PCDHGB2: variants seen among roughly 807,000 people sequenced by gnomAD.
PCDHGB2 encodes the protein protocadherin gamma-B2.
Under a neutral mutation model 59.3 loss-of-function variants are expected in PCDHGB2, and 55 were observed. The observed-to-expected ratio is 0.93, with a 90% CI of 0.75 to 1.16. The LOEUF (loss-of-function observed/expected upper bound fraction) is 1.16, where lower values mean the gene tolerates loss of function less well. Among genes scored for constraint, PCDHGB2 ranks in the 50% most tolerant of loss-of-function variants. The pLI is 0.00. For missense variants in PCDHGB2, 1,228 were observed against 1,198.5 expected (o/e 1.02, Z -0.36); for synonymous variants, 516 against 512.0 (o/e 1.01, Z -0.11).
chr5:141,499,533 G>T (rs2099792525), intron 2 of PCDHGB2, among the ~76,000 whole-genome samples: 1 of 152,086 alleles, frequency 6.6e-6, no homozygotes, highest in African/African-American at 2.4e-5. Flanking sequence ...AGAGAGAATG[G>T]TGTCATGAAC....
At chr5:141,413,092 T>C in intron 1 of PCDHGB2, 1 of 1,429,614 alleles carries the variant, frequency 7.0e-7, no homozygotes, top group Non-Finnish European at 9.4e-7. Context: ...AGAGACACCC[T>C]GAAGCCACAG....
At chr5:141,388,831 T>A (rs1300455758) in intron 1 of PCDHGB2, 1 of 1,613,964 alleles carries the variant, frequency 6.2e-7, no homozygotes, top group Non-Finnish European at 8.5e-7. Flanking sequence ...TATTCCATAG[T>A]TTTGGAAGCA....
intron 1 of PCDHGB2, among the ~76,000 whole-genome samples, chr5:141,444,786 T>C (rs1252217349): frequency 6.6e-6 from 1 of 152,226 alleles, no homozygotes; most frequent in Non-Finnish European, 1.5e-5. Context: ...CATGTTTCAT[T>C]TGTCTATTCT....
intron 1 of PCDHGB2, chr5:141,375,178 A>G: frequency 6.2e-7 from 1 of 1,613,980 alleles, no homozygotes; most frequent in Non-Finnish European, 8.5e-7. Context: ...CAGGAACAGT[A>G]ATCGCCCTTT....
intron 1 of PCDHGB2, among the ~76,000 whole-genome samples, chr5:141,466,735 T>C (rs2099128254): frequency 6.6e-6 from 1 of 152,224 alleles, no homozygotes; most frequent in South Asian, 2.1e-4. Context: ...GCAGAATTCA[T>C]GTTACTCTGA....
At chr5:141,376,676 G>GTTTTTTTTTTTTTTTTTTTTTTT (rs67197835) in intron 1 of PCDHGB2, 2 of 275,812 alleles carry the variant, frequency 7.3e-6, no homozygotes, top group Admixed American at 6.8e-5. Context: ...TGAGGGTATC[G>GTTTTTTTTTTTTTTTTTTTTTTT]TTTTTTTTTT....
intron 1 of PCDHGB2, chr5:141,421,239 G>A (rs773410079): frequency 6.3e-7 from 1 of 1,599,000 alleles, no homozygotes; most frequent in South Asian, 1.1e-5. Context: ...TGGCGAATCG[G>A]CTACAGCGCG....
chr5:141,366,450 T>C, intron 1 of PCDHGB2: 6 of 1,614,230 alleles, frequency 3.7e-6, no homozygotes, highest in Non-Finnish European at 5.1e-6. Flanking sequence ...TTCCTGGCCT[T>C]CGTCATCGTG....
chr5:141,383,193 G>A, intron 1 of PCDHGB2: 2 of 1,614,066 alleles, frequency 1.2e-6, no homozygotes, highest in Non-Finnish European at 1.7e-6. Flanking sequence ...TCTGCGCTCA[G>A]AGTGCGCGGT....
intron 1 of PCDHGB2, chr5:141,364,431 C>A (rs1210490734): frequency 6.2e-7 from 1 of 1,613,754 alleles, no homozygotes; most frequent in Admixed American, 1.7e-5. Flanking sequence ...ATCCGCTACT[C>A]GATGCCGGAG....
At chr5:141,409,988 G>GC (rs1561724887) in intron 1 of PCDHGB2, 1 of 1,613,278 alleles carries the variant, frequency 6.2e-7, no homozygotes, top group Non-Finnish European at 8.5e-7. Flanking sequence ...AGCGGTGGAC[G>GC]CCGACTCGGG....
At chr5:141,390,223 G>T (rs137959577) in intron 1 of PCDHGB2, 3 of 1,614,020 alleles carry the variant, frequency 1.9e-6, no homozygotes, top group East Asian at 2.2e-5. Context: ...ATACTTTGCG[G>T]TGATTCATCT....
At chr5:141,467,491 A>T (rs2154569531) in intron 1 of PCDHGB2, among the ~76,000 whole-genome samples, 1 of 152,224 alleles carries the variant, frequency 6.6e-6, no homozygotes, top group Admixed American at 6.5e-5. Flanking sequence ...CCACATTTAG[A>T]TCCCTGATCT....
intron 1 of PCDHGB2, chr5:141,421,308 C>T: frequency 6.2e-7 from 1 of 1,613,678 alleles, no homozygotes; most frequent in Non-Finnish European, 8.5e-7. Flanking sequence ...TGCGGGGGTT[C>T]CGGGCCAGGC....
rs775284049 is a variant in PCDHGB2 at position 141,431,448 on chromosome 5, T to C, written c.2422-63359T>C. On this transcript the variant is annotated intron_variant, in intron 1 of 3. Coordinates refer to ENST00000522605, the MANE Select transcript of PCDHGB2 (RefSeq NM_018923.3). The surrounding 1 kb of genome is among the most constrained non-coding windows in gnomAD (Gnocchi z 4.8). ...CGCACAGGCACCGCGCGCATCCGCG[T>C]GATGGTTCTGGATGCGAACGACAAC... 2.5e-6 allele frequency: 4 copies of C among 1,613,706 alleles called. No individual in the cohort carries two copies. The South Asian group carries it at 4.4e-5, about 18-fold the overall frequency.
At chr5:141,390,008 C>G in intron 1 of PCDHGB2, 1 of 1,614,038 alleles carries the variant, frequency 6.2e-7, no homozygotes, top group South Asian at 1.1e-5. Context: ...TGATTCTGGC[C>G]ATTGCCTTGC....
At chr5:141,478,177 A>G (rs769503109) in intron 1 of PCDHGB2, 1 of 1,613,988 alleles carries the variant, frequency 6.2e-7, no homozygotes, top group South Asian at 1.1e-5. Context: ...GGGAGCAGAA[A>G]AAAAATCTCA....
chr5:141,361,113 T>C lies in PCDHGB2; in HGVS notation c.978T>C (p.Asp326=), dbSNP rs773447927. The stretch of plus-strand genomic sequence containing the variant: ...GTATCGAAGCAAAAGATCCTGGAGA[T>C]CTAGCAGCCCACTGCAGTATCCAAG... ...TLSIEAKDPG[D]LAAHCSIQVE... The change falls in exon 1 of 4, where the codon GAT becomes GAC. Residue 326 remains aspartate (D), a synonymous_variant. Transcript: ENST00000522605. 1.2e-6 allele frequency: 2 copies of C among 1,613,996 alleles called. No homozygotes were observed. Among genetic ancestry groups the C allele is most frequent in the East Asian group, 2.2e-5 (1 of 44,890 alleles).
intron 1 of PCDHGB2, chr5:141,379,257 A>G (rs1561582852): frequency 6.6e-6 from 1 of 152,234 alleles, no homozygotes. Flanking sequence ...TTTACATTTA[A>G]GGAATTGTTA....
Sources: allele counts gnomAD v4.1 joint callset (sites outside exome capture counted in the v4.1 genomes callset), GRCh38; gene constraint gnomAD v4.1.1; non-coding constraint Gnocchi (gnomAD v3.1); transcripts MANE v1.5; gene names NCBI Gene and HGNC (gene_info 2026-07-23, HGNC 2026-07-21).